NRIP1: variants seen among roughly 807,000 people sequenced by gnomAD.
NRIP1 encodes nuclear receptor-interacting protein 1.
A neutral mutation model predicts 75.0 loss-of-function variants in NRIP1; 28 were observed. The ratio of observed to expected loss-of-function variants is 0.37; its 90% CI spans 0.28 to 0.51. The LOEUF (loss-of-function observed/expected upper bound fraction) is 0.51. NRIP1 is among the 20% of genes least tolerant of loss of function. The pLI is 0.92. For missense variants in NRIP1, 1,435 were observed against 1,343.7 expected (o/e 1.07, Z -1.06); for synonymous variants, 526 against 487.6 (o/e 1.08, Z -1.04).
intron 3 of NRIP1, among the ~76,000 whole-genome samples, chr21:15,001,563 TA>T (rs368165038): frequency 6.6e-6 from 1 of 151,958 alleles, no homozygotes; most frequent in African/African-American, 2.4e-5. Flanking sequence ...ATCACAGAAT[TA>T]AAAAAAATTA....
At chr21:15,012,282 A>T (rs1016360079) in intron 3 of NRIP1, among the ~76,000 whole-genome samples, 3 of 152,178 alleles carry the variant, frequency 2.0e-5, no homozygotes, top group Non-Finnish European at 4.4e-5. Flanking sequence ...TTTAAAAGGA[A>T]AACATATTTA....
At position 15,054,617 on chromosome 21, in the gene NRIP1, T is replaced by C. The variant is rs76502006; in HGVS notation, c.-538+10128A>G. Among the ~76,000 whole-genome samples, 1,886 of 152,326 alleles carry C rather than the reference T, an allele frequency of 0.012. 207 individuals are homozygous for C. In the East Asian group the frequency reaches 0.26, roughly 21 times the overall value. ...ATTTAAACAGACTAAAGAAAAAACGTGGAAGAGCTTCCATTATTCATAAGT... is the reference window on the plus strand; with the variant it reads ...ATTTAAACAGACTAAAGAAAAAACGCGGAAGAGCTTCCATTATTCATAAGT... On this transcript the variant is annotated intron_variant, in intron 1 of 3. Transcript: ENST00000318948.
chr21:14,987,041 T>A (rs1290708216), intron 3 of NRIP1, among the ~76,000 whole-genome samples: 1 of 152,318 alleles, frequency 6.6e-6, no homozygotes, highest in East Asian at 1.9e-4. Context: ...TATAACCCAT[T>A]TGCTATCTCT....
At chr21:14,989,274 G>A (rs2087501206) in intron 3 of NRIP1, among the ~76,000 whole-genome samples, 1 of 152,142 alleles carries the variant, frequency 6.6e-6, no homozygotes, top group Non-Finnish European at 1.5e-5. Context: ...TTCAAATGGG[G>A]AAAGCTAACA....
intron 3 of NRIP1, among the ~76,000 whole-genome samples, chr21:15,007,863 A>T (rs1264895424): frequency 6.6e-6 from 1 of 152,252 alleles, no homozygotes; most frequent in Non-Finnish European, 1.5e-5. Context: ...ATGTTTTTAG[A>T]TGATCACTCA....
chr21:14,969,511 G>A (rs1449937003), intron 3 of NRIP1, among the ~76,000 whole-genome samples: 2 of 152,152 alleles, frequency 1.3e-5, no homozygotes, highest in Non-Finnish European at 2.9e-5. Context: ...AGAACTCATT[G>A]CATTTCTGAA....
At chr21:15,044,255 G>A (rs2089021864) in intron 1 of NRIP1, among the ~76,000 whole-genome samples, 1 of 151,432 alleles carries the variant, frequency 6.6e-6, no homozygotes, top group South Asian at 2.1e-4. Flanking sequence ...AACAGTCATT[G>A]CAGAGTTTGA....
At chr21:15,041,817 G>T (rs2088961764) in intron 2 of NRIP1, among the ~76,000 whole-genome samples, 1 of 151,968 alleles carries the variant, frequency 6.6e-6, no homozygotes, top group African/African-American at 2.4e-5. Context: ...AGATAACTCT[G>T]AATTCCATAA....
intron 3 of NRIP1, among the ~76,000 whole-genome samples, chr21:15,012,522 T>A (rs542580461): frequency 7.5e-6 from 1 of 133,480 alleles, no homozygotes; most frequent in Admixed American, 8.7e-5. Flanking sequence ...TGGCACAATC[T>A]TGGCTCACTG....
Position 14,978,433 on chromosome 21 carries a change from G to T in NRIP1, c.-334-9907C>A, listed in dbSNP as rs881996. Among the ~76,000 whole-genome samples the T allele has an allele frequency of 0.017, 2,601 of 152,224 alleles. 245 individuals are homozygous for T. In the East Asian group the frequency reaches 0.28, roughly 16 times the overall value. The stretch of plus-strand genomic sequence containing the variant: ...CTCAACCCACCTAATGCCCCAAAAG[G>T]TATCTATGTTCACAACTTTCTTCTG... On this transcript the variant is annotated intron_variant, in intron 3 of 3. Transcript: ENST00000318948.
rs76675155 is a variant in NRIP1, at chr21:15,000,090, C to T, written c.-335+14254G>A. ...AGGCAATTTGAAGGGAAGAAGAACT[C>T]AAAGCACACATTTGGAAGAAGTACA... On this transcript the variant is annotated intron_variant, in intron 3 of 3. Coordinates refer to ENST00000318948, the MANE Select transcript of NRIP1 (RefSeq NM_003489.4). 0.017 allele frequency among the ~76,000 whole-genome samples: 2,536 copies of T among 152,242 alleles called. 226 individuals carry two copies. The East Asian group carries it at 0.27, about 16-fold the overall frequency.
intron 1 of NRIP1, among the ~76,000 whole-genome samples, chr21:15,053,515 C>T (rs1362701094): frequency 1.3e-5 from 2 of 152,128 alleles, no homozygotes. Flanking sequence ...TGGGTGTCTG[C>T]TGAGGAATCC....
At chr21:15,013,058 A>G (rs1230279451) in intron 3 of NRIP1, among the ~76,000 whole-genome samples, 1 of 152,210 alleles carries the variant, frequency 6.6e-6, no homozygotes, top group African/African-American at 2.4e-5. Context: ...CAAATATAAA[A>G]GCAGATTTCA....
intron 2 of NRIP1, among the ~76,000 whole-genome samples, chr21:15,019,449 G>A (rs1463936625): frequency 3.6e-5 from 4 of 111,568 alleles, no homozygotes; most frequent in African/African-American, 1.3e-4. Context: ...TTTATGACAA[G>A]ATCCACAAAC....
chr21:15,005,795 A>G (rs1439996716), intron 3 of NRIP1, among the ~76,000 whole-genome samples: 1 of 152,224 alleles, frequency 6.6e-6, no homozygotes, highest in Admixed American at 6.5e-5. Flanking sequence ...CTTTTATAAC[A>G]AATTATGTAA....
chr21:15,004,394 T>G (rs930535571), intron 3 of NRIP1, among the ~76,000 whole-genome samples: 2 of 152,258 alleles, frequency 1.3e-5, no homozygotes, highest in African/African-American at 2.4e-5. Context: ...CATGTGTGCT[T>G]CTATACATAA....
At chr21:15,018,351 G>A (rs763259917) in intron 2 of NRIP1, among the ~76,000 whole-genome samples, 22 of 152,090 alleles carry the variant, frequency 1.4e-4, no homozygotes, top group Non-Finnish European at 2.9e-5. Flanking sequence ...GTTCCCATGG[G>A]AAAGAGACAG....
At chr21:15,004,645 G>A (rs762830853) in intron 3 of NRIP1, among the ~76,000 whole-genome samples, 39 of 152,204 alleles carry the variant, frequency 2.6e-4, no homozygotes, top group Non-Finnish European at 4.6e-4. Flanking sequence ...GTTTCATTGT[G>A]CCTTAAAATG....
intron 1 of NRIP1, chr21:15,051,120 C>T (rs144361813): frequency 3.4e-4 from 121 of 353,208 alleles, no homozygotes; most frequent in African/African-American, 2.3e-3. Context: ...CCCCTTTGGC[C>T]CCTAGACCAA....
Sources: allele counts gnomAD v4.1 joint callset (sites outside exome capture counted in the v4.1 genomes callset), GRCh38; gene constraint gnomAD v4.1.1; transcripts MANE v1.5; gene names NCBI Gene and HGNC (gene_info 2026-07-23, HGNC 2026-07-21).